ATP8B4: variants seen among roughly 807,000 people sequenced by gnomAD.
ATP8B4 encodes the protein ATPase phospholipid transporting 8B4 (putative).
Under a neutral mutation model 145.6 loss-of-function variants are expected in ATP8B4, and 133 were observed. The ratio of observed to expected loss-of-function variants is 0.91; its 90% CI spans 0.79 to 1.05. ATP8B4 has a LOEUF of 1.05. ATP8B4 is among the 50% of genes least tolerant of loss of function. The probability of loss-of-function intolerance (pLI) is 0.00; values close to 1 mark genes in which losing one functional copy is unlikely to be tolerated. For missense variants in ATP8B4, 1,458 were observed against 1,425.2 expected (o/e 1.02, Z -0.37); for synonymous variants, 507 against 492.9 (o/e 1.03, Z -0.38).
At chr15:49,911,016 G>C (rs753910975) in intron 20 of ATP8B4, among the ~76,000 whole-genome samples, 1 of 151,828 alleles carries the variant, frequency 6.6e-6, no homozygotes, top group Non-Finnish European at 1.5e-5. Context: ...AGGACTCAAA[G>C]TTACAACTAA....
At chr15:49,970,959 T>C (rs939131965) in intron 13 of ATP8B4, among the ~76,000 whole-genome samples, 1 of 152,000 alleles carries the variant, frequency 6.6e-6, no homozygotes, top group Non-Finnish European at 1.5e-5. Context: ...GCCTCAGAAA[T>C]AACGCCACAC....
intron 13 of ATP8B4, among the ~76,000 whole-genome samples, chr15:49,969,117 A>G (rs1047216142): frequency 1.3e-5 from 2 of 152,168 alleles, no homozygotes; most frequent in African/African-American, 4.8e-5. Context: ...TGGGACACAG[A>G]TAAAGCAGTG....
chr15:50,063,580 T>C (rs1386159104), intron 3 of ATP8B4, among the ~76,000 whole-genome samples: 1 of 152,078 alleles, frequency 6.6e-6, no homozygotes. Context: ...TCATTAACAA[T>C]AAAAATAAAA....
chr15:49,885,649 A>G lies in ATP8B4; in HGVS notation c.2698-6190T>C, dbSNP rs1217410950. Among the ~76,000 whole-genome samples the G allele has an allele frequency of 3.9e-5, 6 of 152,208 alleles. No individual in the cohort carries two copies. The East Asian group carries it at 1.2e-3, about 29-fold the overall frequency. ...GATGCACCATAGATTCAAACTTAAT[A>G]TATCAAGACCAGAGCTCATCCTCAT... On this transcript the variant is annotated intron_variant, in intron 23 of 27. Coordinates refer to ENST00000284509, the MANE Select transcript of ATP8B4 (RefSeq NM_024837.4).
At chr15:49,905,965 C>A (rs1029075594) in intron 20 of ATP8B4, among the ~76,000 whole-genome samples, 2 of 151,214 alleles carry the variant, frequency 1.3e-5, no homozygotes, top group Admixed American at 1.3e-4. Context: ...TATATACACA[C>A]ACACACACAC....
chr15:50,084,989 C>T (rs756282230), intron 2 of ATP8B4, among the ~76,000 whole-genome samples: 6 of 152,148 alleles, frequency 3.9e-5, no homozygotes, highest in Non-Finnish European at 5.9e-5. Context: ...GGTTCTGGGA[C>T]GTCATTGGGG....
chr15:49,916,617 A>G (rs1282061176), intron 20 of ATP8B4, among the ~76,000 whole-genome samples: 1 of 152,182 alleles, frequency 6.6e-6, no homozygotes, highest in African/African-American at 2.4e-5. Context: ...CTGATCACTC[A>G]TCACCACGCA....
chr15:49,905,607 C>T (rs2038524826), intron 20 of ATP8B4, among the ~76,000 whole-genome samples: 1 of 152,096 alleles, frequency 6.6e-6, no homozygotes, highest in South Asian at 2.1e-4. Flanking sequence ...ATGGGGTTAC[C>T]TACAAGTCTG....
At chr15:50,042,538 C>T (rs1054636933) in intron 5 of ATP8B4, among the ~76,000 whole-genome samples, 1 of 152,282 alleles carries the variant, frequency 6.6e-6, no homozygotes, top group Admixed American at 6.5e-5. Flanking sequence ...TACTGAAGTT[C>T]ATCTTCCCCC....
intron 9 of ATP8B4, among the ~76,000 whole-genome samples, chr15:49,990,210 G>A (rs539047394): frequency 5.3e-5 from 8 of 152,124 alleles, no homozygotes; most frequent in Non-Finnish European, 1.0e-4. Context: ...TAGCCATGAA[G>A]CATAACAAGG....
chr15:50,138,203 C>T (rs1043015938), intron 1 of ATP8B4, among the ~76,000 whole-genome samples: 39 of 152,088 alleles, frequency 2.6e-4, no homozygotes, highest in African/African-American at 8.7e-4. Context: ...GGACTCAATC[C>T]TTCTGTTTCC....
chr15:49,951,101 A>T (rs910717681), intron 14 of ATP8B4, among the ~76,000 whole-genome samples: 4 of 152,102 alleles, frequency 2.6e-5, no homozygotes, highest in African/African-American at 9.7e-5. Context: ...TTTGCTGAGG[A>T]GTGTTTTACA....
chr15:50,038,110 G>A (rs1367657078), intron 6 of ATP8B4, among the ~76,000 whole-genome samples: 1 of 151,996 alleles, frequency 6.6e-6, no homozygotes, highest in Non-Finnish European at 1.5e-5. Flanking sequence ...AAAAAAATAA[G>A]GGGGGGACAG....
At chr15:50,175,110 T>C (rs1335485565) in intron 1 of ATP8B4, among the ~76,000 whole-genome samples, 2 of 152,230 alleles carry the variant, frequency 1.3e-5, no homozygotes, top group Admixed American at 6.5e-5. Context: ...AGAATGAAAC[T>C]GGATCCTCAT....
intron 1 of ATP8B4, among the ~76,000 whole-genome samples, chr15:50,150,802 G>A (rs561712896): frequency 6.6e-6 from 1 of 152,216 alleles, no homozygotes; most frequent in East Asian, 1.9e-4. Flanking sequence ...ATAGTAATAT[G>A]ACAATTCTAA....
intron 6 of ATP8B4, among the ~76,000 whole-genome samples, chr15:50,018,693 T>C (rs1322789603): frequency 1.3e-5 from 2 of 152,222 alleles, no homozygotes; most frequent in Admixed American, 1.3e-4. Flanking sequence ...TTTCTCAAGA[T>C]ATTCCAAGCT....
intron 20 of ATP8B4, among the ~76,000 whole-genome samples, chr15:49,911,889 G>C (rs2039265479): frequency 6.6e-6 from 1 of 151,986 alleles, no homozygotes; most frequent in African/African-American, 2.4e-5. Context: ...AAGGAACTTA[G>C]AAACAATACA....
chr15:50,043,826 G>A (rs1015084561), intron 5 of ATP8B4, among the ~76,000 whole-genome samples: 8 of 151,726 alleles, frequency 5.3e-5, no homozygotes, highest in Middle Eastern at 6.8e-3. Flanking sequence ...GGTGGCGGGC[G>A]CCTGTGGTCC....
Position 49,987,533 on chromosome 15 carries a change from C to T in ATP8B4, c.606G>A (p.Glu202=). 1 of 1,613,104 alleles carries T rather than the reference C, an allele frequency of 6.2e-7. No homozygotes were observed. The change falls in exon 10 of 28, where the codon GAG becomes GAA. Residue 202 remains glutamate, a synonymous_variant. Coordinates refer to ENST00000284509, the MANE Select transcript of ATP8B4 (RefSeq NM_024837.4). The part of the protein sequence containing the change: ...LAGFDGIVVC[E]VPNNKLDKFM... ...ATTTATCTAACTTGTTGTTAGGCACCTCACAGACAACAATCCCTGGAAAAT... is the reference window on the plus strand; with the variant it reads ...ATTTATCTAACTTGTTGTTAGGCACTTCACAGACAACAATCCCTGGAAAAT...
Sources: gnomAD v4.1 joint callset for allele counts (sites outside exome capture counted in the v4.1 genomes callset) on GRCh38, gnomAD v4.1.1 for gene constraint, MANE v1.5 for transcripts, NCBI Gene and HGNC (gene_info 2026-07-23, HGNC 2026-07-21) for gene names.